Variants in SLC1A2 observed in about 807,000 individuals in gnomAD.
SLC1A2 encodes the protein solute carrier family 1 member 2.
Under a neutral mutation model 48.8 loss-of-function variants are expected in SLC1A2, and 15 were observed. The ratio of observed to expected loss-of-function variants is 0.31; its 90% confidence interval spans 0.21 to 0.47. The LOEUF (loss-of-function observed/expected upper bound fraction) is 0.47, where lower values mean the gene tolerates loss of function less well. Ranked by LOEUF, SLC1A2 falls within the 20% of genes least tolerant of loss-of-function variation. The pLI, the probability that SLC1A2 is intolerant of heterozygous loss-of-function variation, is 0.99. For missense variants in SLC1A2, 502 were observed against 730.5 expected, an observed-to-expected ratio of 0.69 and a Z score of 3.61; for synonymous variants, 279 against 272.6, an observed-to-expected ratio of 1.02 and a Z score of -0.23.
chr11:35,272,583 T>C (rs1415339461), intron 9 of SLC1A2, among the ~76,000 whole-genome samples: 1 of 152,014 alleles, frequency 6.6e-6, no homozygotes, highest in Non-Finnish European at 1.5e-5. Flanking sequence ...GACATGGGAG[T>C]TTGTGGTTCA....
At chr11:35,327,310 A>G (rs1239448365) in intron 1 of SLC1A2, among the ~76,000 whole-genome samples, 1 of 149,646 alleles carries the variant, frequency 6.7e-6, no homozygotes, top group African/African-American at 2.6e-5. Context: ...CATATAGTAT[A>G]TCTATCTTTG....
At chr11:35,404,294 C>T (rs1301036598) in intron 1 of SLC1A2, 1 of 152,154 alleles carries the variant, frequency 6.6e-6, no homozygotes, top group Non-Finnish European at 1.5e-5. Flanking sequence ...TTTCAATAAC[C>T]CAGAAAAAAC....
chr11:35,333,868 G>A (rs183552821), intron 1 of SLC1A2, among the ~76,000 whole-genome samples: 63 of 148,734 alleles, frequency 4.2e-4, no homozygotes, highest in African/African-American at 8.2e-4. Flanking sequence ...TAGTAGAGAC[G>A]GGGTTTTGCC....
At chr11:35,265,217 G>A (rs2134608330) in intron 10 of SLC1A2, 1 of 441,846 alleles carries the variant, frequency 2.3e-6, no homozygotes, top group Middle Eastern at 6.0e-4. Context: ...ACAAATTCTT[G>A]GGCGAAATAT....
chr11:35,320,775 GC>G (rs1852032851), intron 1 of SLC1A2, among the ~76,000 whole-genome samples: 1 of 152,156 alleles, frequency 6.6e-6, no homozygotes, highest in Admixed American at 6.5e-5. Flanking sequence ...TTTCTAGTGG[GC>G]CCATATTACA....
intron 1 of SLC1A2, among the ~76,000 whole-genome samples, chr11:35,415,800 C>A (rs527903668): frequency 6.6e-6 from 1 of 152,180 alleles, no homozygotes; most frequent in Non-Finnish European, 1.5e-5. Context: ...GACAGATTGC[C>A]GTGGGTCTCT....
At chr11:35,364,742 A>G (rs1218106323) in intron 1 of SLC1A2, among the ~76,000 whole-genome samples, 1 of 152,234 alleles carries the variant, frequency 6.6e-6, no homozygotes, top group African/African-American at 2.4e-5. Flanking sequence ...TGCCTGGAAC[A>G]TCACCTGCAC....
At chr11:35,383,320 T>C (rs1478311213) in intron 1 of SLC1A2, among the ~76,000 whole-genome samples, 1 of 152,222 alleles carries the variant, frequency 6.6e-6, no homozygotes, top group Non-Finnish European at 1.5e-5. Context: ...TTTTTCTGCC[T>C]TTTTTGGTTG....
intron 1 of SLC1A2, among the ~76,000 whole-genome samples, chr11:35,408,385 G>A (rs1412933674): frequency 1.3e-5 from 2 of 152,190 alleles, no homozygotes; most frequent in Non-Finnish European, 2.9e-5. Context: ...CCAGAGGGAG[G>A]TAATTGAATC....
At chr11:35,348,248 T>C (rs1853113118) in intron 1 of SLC1A2, among the ~76,000 whole-genome samples, 1 of 152,124 alleles carries the variant, frequency 6.6e-6, no homozygotes, top group Non-Finnish European at 1.5e-5. Flanking sequence ...AAGAGACATG[T>C]GGAATGCAAG....
chr11:35,410,267 T>C (rs1054465805), intron 1 of SLC1A2, among the ~76,000 whole-genome samples: 13 of 152,246 alleles, frequency 8.5e-5, no homozygotes, highest in African/African-American at 2.4e-4. Flanking sequence ...TACATACTTA[T>C]CATTTTTTGG....
At chr11:35,353,259 G>A (rs752663178) in intron 1 of SLC1A2, among the ~76,000 whole-genome samples, 2 of 152,098 alleles carry the variant, frequency 1.3e-5, no homozygotes, top group South Asian at 4.2e-4. Flanking sequence ...TCCTTTTCTT[G>A]TCTCTTTGCT....
chr11:35,378,749 C>A (rs1854322517), intron 1 of SLC1A2, among the ~76,000 whole-genome samples: 1 of 152,166 alleles, frequency 6.6e-6, no homozygotes, highest in African/African-American at 2.4e-5. Flanking sequence ...TAATATATAA[C>A]CCGTGGTTCT....
intron 6 of SLC1A2, 57 bp from the exon 7 acceptor site, chr11:35,292,577 T>C: frequency 1.8e-6 from 2 of 1,086,796 alleles, no homozygotes; most frequent in Non-Finnish European, 1.4e-6. Flanking sequence ...ATTCAGAACC[T>C]GGGCCTCCTC....
intron 1 of SLC1A2, among the ~76,000 whole-genome samples, chr11:35,394,981 C>T (rs953874647): frequency 2.6e-5 from 4 of 152,164 alleles, no homozygotes; most frequent in African/African-American, 7.2e-5. Context: ...TGGGTCAATG[C>T]TCAAAGGATC....
At chr11:35,416,407 T>C (rs955510415) in intron 1 of SLC1A2, among the ~76,000 whole-genome samples, 2 of 152,248 alleles carry the variant, frequency 1.3e-5, no homozygotes, top group Admixed American at 1.3e-4. Flanking sequence ...TCTATTTTTG[T>C]TGGACTGCCT....
Position 35,255,068 on chromosome 11 carries a change from A to G in SLC1A2, c.*5826T>C. 3.2e-6 allele frequency: 1 copy of G among 312,744 alleles called. No individual in the cohort carries two copies. Among genetic ancestry groups the G allele is most frequent in the Non-Finnish European group, 6.2e-6 (1 of 161,328 alleles). The allele number at this position is 312,744 out of a possible 1,614,324, so 19.4% of individuals were successfully genotyped here. On this transcript the variant is annotated 3_prime_UTR_variant, in exon 11 of 11. Transcript: ENST00000278379. ...AATGGAAAAAAGCCGGCCGAAAAAC[A>G]AAACCCAATCCTTTCAGTCCTAGCT... is the stretch of plus-strand genomic sequence containing the variant.
intron 1 of SLC1A2, among the ~76,000 whole-genome samples, chr11:35,342,109 A>G (rs994877907): frequency 6.6e-6 from 1 of 152,228 alleles, no homozygotes; most frequent in Non-Finnish European, 1.5e-5. Flanking sequence ...GGTTTTGCAG[A>G]CAGGTGTGTA....
Position 35,418,501 on chromosome 11 carries a change from G to T in SLC1A2, c.17+449C>A, listed in dbSNP as rs114313142. On this transcript the variant is annotated intron_variant, in intron 1 of 10. Transcript: ENST00000278379. ...AAACCTGGCGTTCAAGGCCGCGCGCGCTGGTCCTTGCCCCGCCCCAGGGCC... is the reference window on the plus strand; with the variant it reads ...AAACCTGGCGTTCAAGGCCGCGCGCTCTGGTCCTTGCCCCGCCCCAGGGCC... The T allele has an allele frequency of 2.5e-3, 403 of 162,518 alleles. 2 individuals carry two copies. The highest frequency in any genetic ancestry group is 9.4e-3 in the African/African-American group (395 of 41,840). The allele number at this position is 162,518 out of a possible 1,614,324, so 10.1% of individuals were successfully genotyped here. A position where few individuals can be genotyped will look rare whatever the true frequency, so the allele number is the denominator to read the frequency against.
Sources: allele counts gnomAD v4.1 joint callset (sites outside exome capture counted in the v4.1 genomes callset), GRCh38; gene constraint gnomAD v4.1.1; transcripts MANE v1.5; gene names NCBI Gene and HGNC (gene_info 2026-07-23, HGNC 2026-07-21).